EMILIN2: variants seen among roughly 807,000 people sequenced by gnomAD.
EMILIN2 encodes EMILIN-2.
Under a neutral mutation model 87.1 loss-of-function variants are expected in EMILIN2, and 71 were observed. The ratio of observed to expected loss-of-function variants is 0.82; its 90% CI spans 0.67 to 0.99. The LOEUF (loss-of-function observed/expected upper bound fraction) is 0.99, where lower values mean the gene tolerates loss of function less well. Among genes scored for constraint, EMILIN2 ranks in the 50% least tolerant of loss-of-function variants. The pLI, the probability that EMILIN2 is intolerant of heterozygous loss-of-function variation, is 0.00. For synonymous variants in EMILIN2, 581 were observed against 563.4 expected (o/e 1.03, Z -0.44); for missense variants, 1,407 against 1,371.8 (o/e 1.03, Z -0.40).
At chr18:2,869,786 T>TTGTGTG (rs777623155) in intron 2 of EMILIN2, among the ~76,000 whole-genome samples, 104 of 59,158 alleles carry the variant, frequency 1.8e-3, no homozygotes, top group African/African-American at 5.9e-3. Flanking sequence ...GTGTGTGTGT[T>TTGTGTG]TGTGTGTGTG....
rs771119283 is a variant in EMILIN2, at chr18:2,890,465, G to A, written c.434-96G>A. The A allele has an allele frequency of 7.1e-6, 10 of 1,403,052 alleles. No individual in the cohort carries two copies. Among genetic ancestry groups the A allele is most frequent in the Admixed American group, 6.9e-5 (3 of 43,442 alleles). 86.9% of individuals were successfully genotyped at this position (1,403,052 alleles called of 1,614,324 possible). ...TGTGTAGTGACCTGTAAGTGAAGATGTACATGTATTTTGTAGGTACCTTGT... is the reference window on the plus strand; with the variant it reads ...TGTGTAGTGACCTGTAAGTGAAGATATACATGTATTTTGTAGGTACCTTGT... On this transcript the variant is annotated intron_variant, in intron 3 of 7. Transcript: ENST00000254528. The surrounding 1 kb of genome is among the most constrained non-coding windows in gnomAD (Gnocchi z 4.7).
chr18:2,876,563 G>A (rs1275197615), intron 2 of EMILIN2, among the ~76,000 whole-genome samples: 1 of 143,814 alleles, frequency 7.0e-6, no homozygotes, highest in South Asian at 2.7e-4. Flanking sequence ...TCAGGAGATC[G>A]AGACCATCCT....
chr18:2,909,569 C>T, intron 6 of EMILIN2, 122 bp from the exon 7 acceptor site: 1 of 1,318,700 alleles, frequency 7.6e-7, no homozygotes, highest in Non-Finnish European at 1.0e-6. Flanking sequence ...TGCTTCACCA[C>T]TTTGGGTGAA....
chr18:2,902,124 A>G (rs1264616086), intron 4 of EMILIN2, among the ~76,000 whole-genome samples: 1 of 152,212 alleles, frequency 6.6e-6, no homozygotes, highest in African/African-American at 2.4e-5. Flanking sequence ...TCACTGTCCT[A>G]TAGGTATCAG....
intron 2 of EMILIN2, among the ~76,000 whole-genome samples, chr18:2,863,142 A>T (rs1194024554): frequency 2.0e-5 from 3 of 151,908 alleles, no homozygotes; most frequent in Non-Finnish European, 4.4e-5. Flanking sequence ...GCGGTCTATC[A>T]ATTTTGTTGA....
At chr18:2,856,017 G>A (rs774296444) in intron 2 of EMILIN2, among the ~76,000 whole-genome samples, 5 of 152,148 alleles carry the variant, frequency 3.3e-5, no homozygotes, top group African/African-American at 9.7e-5. Flanking sequence ...AAATGCTCAC[G>A]GTTGAAATCG....
rs1331444297 is a variant in EMILIN2, at chr18:2,894,790, C to T, written c.2359+2304C>T. On this transcript the variant is annotated intron_variant, in intron 4 of 7. Coordinates refer to ENST00000254528, the MANE Select transcript of EMILIN2 (RefSeq NM_032048.3). This position sits in a 1 kb window ranked among gnomAD's most constrained non-coding sequence, Gnocchi z 5.0. Reference sequence around the variant, plus strand: ...AGCCTCCTCTGCCCTTGTCTAGCATCCAGGTCTAGGAGACCTGGAACCTGA... The same window carrying T: ...AGCCTCCTCTGCCCTTGTCTAGCATTCAGGTCTAGGAGACCTGGAACCTGA... Among the ~76,000 whole-genome samples the T allele has an allele frequency of 6.6e-6, 1 of 152,136 alleles. No individual in the cohort carries two copies. The highest frequency in any genetic ancestry group is 1.5e-5 in the Non-Finnish European group (1 of 68,044).
intron 2 of EMILIN2, among the ~76,000 whole-genome samples, chr18:2,859,281 T>A (rs1209843207): frequency 5.3e-5 from 8 of 152,238 alleles, no homozygotes; most frequent in African/African-American, 1.7e-4. Flanking sequence ...TAAGGTGGTA[T>A]CGCATTGTGG....
At chr18:2,900,128 GA>G (rs1402952900) in intron 4 of EMILIN2, among the ~76,000 whole-genome samples, 1 of 11,218 alleles carries the variant, frequency 8.9e-5, no homozygotes, top group Admixed American at 2.1e-3. Context: ...TTATAAGCTT[GA>G]GGGTTTTTTT....
Position 2,890,956 on chromosome 18 carries a change from A to T in EMILIN2, c.829A>T (p.Ser277Cys). The change falls in exon 4 of 8, where the codon AGT becomes TGT. Residue 277 changes from serine (S) to cysteine (C), a missense_variant. By Grantham distance (112) the Ser-to-Cys change is moderately radical (BLOSUM62 -1). Coordinates refer to ENST00000254528, the MANE Select transcript of EMILIN2 (RefSeq NM_032048.3). This position sits in a 1 kb window ranked among gnomAD's most constrained non-coding sequence, Gnocchi z 4.7. Reference sequence around the variant, plus strand: ...AGTCAAAGATACTCTAAAGAACAAAAGTGACAAGCTGGAAGAGCTGGATGG... The same window carrying T: ...AGTCAAAGATACTCTAAAGAACAAATGTGACAAGCTGGAAGAGCTGGATGG... ...AEVKDTLKNK[S>C]DKLEELDGKV... 1 of 1,614,208 alleles carries T rather than the reference A, an allele frequency of 6.2e-7. No homozygotes were observed. Among genetic ancestry groups the T allele is most frequent in the Non-Finnish European group, 8.5e-7 (1 of 1,180,040 alleles).
chr18:2,878,724 C>G (rs2144012798), intron 2 of EMILIN2, among the ~76,000 whole-genome samples: 1 of 152,210 alleles, frequency 6.6e-6, no homozygotes, highest in South Asian at 2.1e-4. Context: ...AGGGTACTTC[C>G]TACCATCCCT....
chr18:2,892,569 T>C, intron 4 of EMILIN2, 83 bp downstream of exon 4: 1 of 1,487,988 alleles, frequency 6.7e-7, no homozygotes, highest in African/African-American at 1.4e-5. Flanking sequence ...TGTTCATTTT[T>C]GATATTGTTG....
intron 2 of EMILIN2, among the ~76,000 whole-genome samples, chr18:2,859,417 TTTG>T (rs1208937708): frequency 6.6e-6 from 1 of 152,136 alleles, no homozygotes; most frequent in Non-Finnish European, 1.5e-5. Context: ...GATGGGATTG[TTTG>T]TTTTCTTCTT....
intron 3 of EMILIN2, among the ~76,000 whole-genome samples, chr18:2,888,647 A>G (rs946490242): frequency 7.9e-5 from 12 of 150,990 alleles, no homozygotes; most frequent in Admixed American, 1.3e-4. Context: ...CCCAAGAGGC[A>G]GAGCTTGCAG....
chr18:2,889,211 C>G (rs1480532503), intron 3 of EMILIN2, among the ~76,000 whole-genome samples: 3 of 140,246 alleles, frequency 2.1e-5, no homozygotes, highest in South Asian at 2.3e-4. Flanking sequence ...TATGTCGGCT[C>G]ACTGCAACCT....
At chr18:2,846,718 G>T, upstream of EMILIN2, 2 of 984,026 alleles carry the variant, frequency 2.0e-6, no homozygotes, top group Middle Eastern at 5.2e-4. This position sits in a 1 kb window ranked among gnomAD's most constrained non-coding sequence, Gnocchi z 5.3. Flanking sequence ...CCGCGTCCCG[G>T]GGGGCCGGGA....
chr18:2,913,500 A>T lies in EMILIN2; in HGVS notation c.*96A>T, dbSNP rs1308175444. On this transcript the variant is annotated 3_prime_UTR_variant, in exon 8 of 8. Coordinates refer to ENST00000254528, the MANE Select transcript of EMILIN2 (RefSeq NM_032048.3). ...GTATGTAATGGAAGCACGGGGCTAG[A>T]GTTTCCACATAGGCCCCAACATAAA... 1 of 999,106 alleles carries T rather than the reference A, an allele frequency of 1.0e-6. No homozygotes were observed. Among genetic ancestry groups the T allele is most frequent in the Non-Finnish European group, 1.4e-6 (1 of 692,840 alleles). 61.9% of individuals were successfully genotyped at this position (999,106 alleles called of 1,614,324 possible).
At position 2,884,235 on chromosome 18, in the gene EMILIN2, C is replaced by A. The variant is rs191839677; in HGVS notation, c.258-729C>A. On this transcript the variant is annotated intron_variant, in intron 2 of 7. Transcript: ENST00000254528. Reference sequence around the variant, plus strand: ...CCTCCCAAAGTGCTCAGATTACAGGCGTGAGCCACCGCGCCCAGCCTCTTT... The same window carrying A: ...CCTCCCAAAGTGCTCAGATTACAGGAGTGAGCCACCGCGCCCAGCCTCTTT... 5.1e-3 allele frequency among the ~76,000 whole-genome samples: 775 copies of A among 152,212 alleles called. 7 individuals are homozygous for A. The highest frequency in any genetic ancestry group is 0.018 in the African/African-American group (735 of 41,528).
chr18:2,858,599 ATATGTG>A (rs2076644257), intron 2 of EMILIN2, among the ~76,000 whole-genome samples: 3 of 110,062 alleles, frequency 2.7e-5, no homozygotes, highest in African/African-American at 5.4e-5. Context: ...ATATATATAT[ATATGTG>A]TATATATATA....
Sources: allele counts gnomAD v4.1 joint callset (sites outside exome capture counted in the v4.1 genomes callset), GRCh38; gene constraint gnomAD v4.1.1; non-coding constraint Gnocchi (gnomAD v3.1); transcripts MANE v1.5; gene names NCBI Gene and HGNC (gene_info 2026-07-23, HGNC 2026-07-21).